Variants in BNC2 observed in about 807,000 individuals in gnomAD.
BNC2 encodes the protein zinc finger protein basonuclin-2.
Under a neutral mutation model 76.3 loss-of-function variants are expected in BNC2, and 20 were observed. The observed-to-expected ratio is 0.26, with a 90% CI of 0.18 to 0.38. BNC2 has a LOEUF of 0.38. Ranked by LOEUF, BNC2 falls within the 10% of genes least tolerant of loss-of-function variation. BNC2 has a pLI of 1.00. For missense variants in BNC2, 1,382 were observed against 1,399.8 expected (o/e 0.99, Z 0.20); for synonymous variants, 582 against 514.8 (o/e 1.13, Z -1.77).
At position 16,663,128 on chromosome 9, in the gene BNC2, C is replaced by CTTTTTTTTTTTTTTTTTTTT. The variant is rs1220327938; in HGVS notation, c.330+64668_330+64669insAAAAAAAAAAAAAAAAAAAA. Among the ~76,000 whole-genome samples, 9 of 51,686 alleles carry CTTTTTTTTTTTTTTTTTTTT rather than the reference C, an allele frequency of 1.7e-4. 1 individual carries two copies. The highest frequency in any genetic ancestry group is 5.5e-4 in the African/African-American group (8 of 14,602). 33.9% of individuals were successfully genotyped at this position (51,686 alleles called of 152,430 possible). A position where few individuals can be genotyped will look rare whatever the true frequency, so the allele number is the denominator to read the frequency against. ...ATCCATAGGCACTCCACTCTGTTTACTCTTTTTTTTTTTTTTTTGGAGACG... is the reference window on the plus strand; with the variant it reads ...ATCCATAGGCACTCCACTCTGTTTACTTTTTTTTTTTTTTTTTTTTTCTTTTTTTTTTTTTTTTGGAGACG... On this transcript the variant is annotated intron_variant, in intron 3 of 6. Transcript: ENST00000380672.
chr9:16,429,939 T>G (rs1028516906), intron 6 of BNC2: 4 of 515,362 alleles, frequency 7.8e-6, no homozygotes, highest in Non-Finnish European at 1.2e-5. Context: ...ACTTTAGGCT[T>G]GACAGAGTCT....
chr9:16,834,741 G>A (rs1046950216), intron 1 of BNC2, among the ~76,000 whole-genome samples: 1 of 152,124 alleles, frequency 6.6e-6, no homozygotes, highest in Non-Finnish European at 1.5e-5. Flanking sequence ...AATCCCCAGA[G>A]TCTAGTATAA....
rs149739931 is a variant in BNC2 at position 16,865,017 on chromosome 9, C to A, written c.3+5629G>T. Among the ~76,000 whole-genome samples, 444 of 129,940 alleles carry A rather than the reference C, an allele frequency of 3.4e-3. 1 individual carries two copies. Among genetic ancestry groups the A allele is most frequent in the African/African-American group, 0.012 (424 of 34,436 alleles). 85.2% of individuals were successfully genotyped at this position (129,940 alleles called of 152,430 possible). On this transcript the variant is annotated intron_variant, in intron 1 of 6. Transcript: ENST00000380672. ...ACACAGAGGCTTTTGTGTCTGGGTA[C>A]ACGTCTGGCTTTGGACTGAAAAAAA... is the stretch of plus-strand genomic sequence containing the variant.
At chr9:16,457,690 C>T (rs143419619) in intron 5 of BNC2, among the ~76,000 whole-genome samples, 1,885 of 152,208 alleles carry the variant, frequency 0.012, 22 homozygotes, top group Middle Eastern at 0.037. Context: ...AGAAGGAAAG[C>T]GCGTGTTCGG....
chr9:16,574,737 C>T (rs1468353423), intron 4 of BNC2, among the ~76,000 whole-genome samples: 1 of 152,142 alleles, frequency 6.6e-6, no homozygotes, highest in Non-Finnish European at 1.5e-5. Context: ...ATTGACTTAG[C>T]AATAACAATA....
Position 16,644,481 on chromosome 9 carries a change from AT to A in BNC2, c.331-61397del, listed in dbSNP as rs567861830. 1.7e-3 allele frequency among the ~76,000 whole-genome samples: 261 copies of A among 152,308 alleles called. 1 individual carries two copies. Among genetic ancestry groups the A allele is most frequent in the African/African-American group, 5.9e-3 (246 of 41,564 alleles). On this transcript the variant is annotated intron_variant, in intron 3 of 6. Coordinates refer to ENST00000380672, the MANE Select transcript of BNC2 (RefSeq NM_017637.6). The stretch of plus-strand genomic sequence containing the variant: ...TCATGATGACTATTAATAGAAAAAA[AT>A]AAATCAACTCGGTGCATTCTAGATA...
intron 3 of BNC2, among the ~76,000 whole-genome samples, chr9:16,720,346 G>C (rs1824118063): frequency 6.6e-6 from 1 of 152,172 alleles, no homozygotes; most frequent in African/African-American, 2.4e-5. Context: ...GAGAAGAAAA[G>C]AGAATAAAGT....
chr9:16,640,576 G>T (rs80229187), intron 3 of BNC2, among the ~76,000 whole-genome samples: 6,184 of 152,188 alleles, frequency 0.041, 181 homozygotes, highest in Middle Eastern at 0.13. Flanking sequence ...TCAATTAAGC[G>T]GTCATTCTAT....
At chr9:16,548,199 G>A (rs10123515) in intron 5 of BNC2, among the ~76,000 whole-genome samples, 11,156 of 152,110 alleles carry the variant, frequency 0.073, 528 homozygotes, top group African/African-American at 0.13. Flanking sequence ...TCAGTTATAC[G>A]TTCAAACTGA....
chr9:16,787,763 C>T (rs1826337280), intron 1 of BNC2, among the ~76,000 whole-genome samples: 1 of 152,138 alleles, frequency 6.6e-6, no homozygotes, highest in South Asian at 2.1e-4. Flanking sequence ...GTTGCCCGGG[C>T]TGGTCTTGAA....
At chr9:16,481,215 G>A (rs926985335) in intron 5 of BNC2, among the ~76,000 whole-genome samples, 29 of 152,120 alleles carry the variant, frequency 1.9e-4, no homozygotes, top group African/African-American at 5.8e-4. Context: ...ACCAATCAGC[G>A]CCCTGTCAAA....
At chr9:16,661,577 C>T (rs562221713) in intron 3 of BNC2, among the ~76,000 whole-genome samples, 1 of 152,186 alleles carries the variant, frequency 6.6e-6, no homozygotes, top group African/African-American at 2.4e-5. Flanking sequence ...CTCAGGGATT[C>T]CCTCCATCAG....
At chr9:16,592,469 A>G (rs1316945901) in intron 3 of BNC2, among the ~76,000 whole-genome samples, 2 of 152,176 alleles carry the variant, frequency 1.3e-5, no homozygotes, top group African/African-American at 4.8e-5. Context: ...ATTCAGATGA[A>G]ATGTTCAGAA....
At chr9:16,513,113 G>A (rs1822797690) in intron 5 of BNC2, among the ~76,000 whole-genome samples, 1 of 151,994 alleles carries the variant, frequency 6.6e-6, no homozygotes, top group Non-Finnish European at 1.5e-5. Context: ...CTGGGTGACA[G>A]AATGAGACTC....
At chr9:16,696,449 T>TATTTCCTGATGCCACTTCTTCCATGAA (rs1427867130) in intron 3 of BNC2, among the ~76,000 whole-genome samples, 14 of 152,222 alleles carry the variant, frequency 9.2e-5, no homozygotes, top group Non-Finnish European at 1.8e-4. Context: ...AAAATGTCCC[T>TATTTCCTGATGCCACTTCTTCCATGAA]ATTTCCTGAT....
intron 1 of BNC2, among the ~76,000 whole-genome samples, chr9:16,759,755 G>C (rs544812101): frequency 6.8e-6 from 1 of 146,100 alleles, no homozygotes; most frequent in African/African-American, 2.5e-5. Context: ...ACAGAGTCTC[G>C]CTCTGTCGCC....
chr9:16,467,880 G>C (rs944014130), intron 5 of BNC2, among the ~76,000 whole-genome samples: 1 of 150,944 alleles, frequency 6.6e-6, no homozygotes, highest in African/African-American at 2.4e-5. Flanking sequence ...TGGATAACAA[G>C]GTCTCTCATG....
chr9:16,545,759 C>G (rs139952735), intron 5 of BNC2, among the ~76,000 whole-genome samples: 20 of 152,302 alleles, frequency 1.3e-4, no homozygotes, highest in African/African-American at 4.8e-4. Context: ...AAGCACCCTA[C>G]TACACTTCTG....
At chr9:16,680,574 T>TAAA (rs370833130) in intron 3 of BNC2, among the ~76,000 whole-genome samples, 1 of 139,630 alleles carries the variant, frequency 7.2e-6, no homozygotes, top group African/African-American at 2.6e-5. Context: ...TTTAAATGTT[T>TAAA]AAAAAAAAAA....
Sources: gnomAD v4.1 joint callset for allele counts (sites outside exome capture counted in the v4.1 genomes callset) on GRCh38, gnomAD v4.1.1 for gene constraint, MANE v1.5 for transcripts, NCBI Gene and HGNC (gene_info 2026-07-23, HGNC 2026-07-21) for gene names.